LIMK2: variants seen among roughly 807,000 people sequenced by gnomAD.
The protein encoded by LIMK2 is LIM domain kinase 2.
In LIMK2, 35 loss-of-function variants were observed where a neutral mutation model predicts 75.7. The observed-to-expected ratio is 0.46, with a 90% CI of 0.35 to 0.61. The LOEUF is 0.61. Among genes scored for constraint, LIMK2 ranks in the 20% least tolerant of loss-of-function variants. LIMK2 has a pLI of 0.00. For synonymous variants in LIMK2, 301 were observed against 319.2 expected, an observed-to-expected ratio of 0.94 and a Z score of 0.61; for missense variants, 623 against 831.0, an observed-to-expected ratio of 0.75 and a Z score of 3.08.
chr22:31,256,020 A>C (rs536223882), intron 2 of LIMK2, among the ~76,000 whole-genome samples: 117 of 35,304 alleles, frequency 3.3e-3, no homozygotes, highest in Middle Eastern at 0.048. Flanking sequence ...TTTTTTTGAG[A>C]CGGAATCTTG....
intron 13 of LIMK2, chr22:31,273,059 G>T: frequency 1.8e-6 from 2 of 1,117,828 alleles, no homozygotes; most frequent in Non-Finnish European, 2.2e-6. Flanking sequence ...AGAGATGCTG[G>T]TTGGGATTCT....
chr22:31,225,667 T>C, intron 1 of LIMK2, 53 bp from the exon 2 acceptor site: 1 of 1,324,314 alleles, frequency 7.6e-7, no homozygotes, highest in Non-Finnish European at 1.1e-6. Context: ...AGGAATCCTG[T>C]CCCTTTGCCT....
chr22:31,228,452 T>C (rs1177704100), intron 2 of LIMK2, among the ~76,000 whole-genome samples: 2 of 151,566 alleles, frequency 1.3e-5, no homozygotes, highest in South Asian at 2.1e-4. Context: ...GTACAGGCTA[T>C]GGAATGAGAC....
At chr22:31,238,131 AACC>A (rs1438051803) in intron 2 of LIMK2, among the ~76,000 whole-genome samples, 2 of 151,458 alleles carry the variant, frequency 1.3e-5, no homozygotes, top group Admixed American at 6.6e-5. Context: ...AAAAAAAAAA[AACC>A]AAAACCAATA....
rs558432095 is a variant in LIMK2, at chr22:31,260,209, A to G, written c.551+132A>G. 1.7e-5 allele frequency: 12 copies of G among 723,242 alleles called. No individual in the cohort carries two copies. In the South Asian group the frequency reaches 2.6e-4, roughly 16 times the overall value. The allele number at this position is 723,242 out of a possible 1,614,324, so 44.8% of individuals were successfully genotyped here. Reference sequence around the variant, plus strand: ...ATCTCATATCTTTCTCCTGGACCCCACTATGCTGTAACCGTACCTGGGCCT... The same window carrying G: ...ATCTCATATCTTTCTCCTGGACCCCGCTATGCTGTAACCGTACCTGGGCCT... On this transcript the variant is annotated intron_variant, in intron 5 of 15. Coordinates refer to ENST00000331728, the MANE Select transcript of LIMK2 (RefSeq NM_005569.4).
chr22:31,264,216 G>A (rs1165546592), intron 7 of LIMK2, among the ~76,000 whole-genome samples: 2 of 152,148 alleles, frequency 1.3e-5, no homozygotes, highest in Admixed American at 6.5e-5. Context: ...GGAAGATTTG[G>A]GAGTGGCCAG....
At chr22:31,212,491 G>A (rs2048355206) in intron 1 of LIMK2, 67 bp downstream of exon 1, 5 of 1,306,422 alleles carry the variant, frequency 3.8e-6, no homozygotes, top group Non-Finnish European at 4.9e-6. Flanking sequence ...GCGCCTGAGG[G>A]AAACCGGCTG....
chr22:31,277,345 T>A, intron 15 of LIMK2: 1 of 1,411,538 alleles, frequency 7.1e-7, no homozygotes, highest in Non-Finnish European at 9.2e-7. Flanking sequence ...GATGGGACTT[T>A]GTGTTTTTAT....
intron 1 of LIMK2, among the ~76,000 whole-genome samples, chr22:31,214,405 A>G (rs1285936378): frequency 6.6e-6 from 1 of 152,240 alleles, no homozygotes; most frequent in Non-Finnish European, 1.5e-5. Flanking sequence ...AATAAATGCT[A>G]TAATAGTTAA....
intron 2 of LIMK2, among the ~76,000 whole-genome samples, chr22:31,236,886 C>T (rs780585465): frequency 2.7e-5 from 4 of 150,620 alleles, no homozygotes; most frequent in Non-Finnish European, 4.4e-5. Flanking sequence ...CACTGCACTC[C>T]AGCCTGGGAG....
chr22:31,274,515 C>T (rs2048992371), intron 14 of LIMK2, among the ~76,000 whole-genome samples: 1 of 152,180 alleles, frequency 6.6e-6, no homozygotes, highest in African/African-American at 2.4e-5. Flanking sequence ...ATCCTCCTGC[C>T]TCAGCCTCCC....
At chr22:31,222,915 G>A (rs1362409914) in intron 1 of LIMK2, 7 of 152,084 alleles carry the variant, frequency 4.6e-5, no homozygotes, top group African/African-American at 1.7e-4. Context: ...AGCCAGTGAG[G>A]GAGAGGGGTG....
chr22:31,230,108 G>T (rs768368496), intron 2 of LIMK2: 1 of 141,634 alleles, frequency 7.1e-6, no homozygotes, highest in African/African-American at 2.6e-5. Context: ...AGTGGAAAAG[G>T]AACAAAGAAA....
chr22:31,236,311 A>G (rs890547575), intron 2 of LIMK2, among the ~76,000 whole-genome samples: 1 of 149,602 alleles, frequency 6.7e-6, no homozygotes, highest in African/African-American at 2.5e-5. Context: ...AAAAAAAAAA[A>G]CAAACTGGAG....
chr22:31,261,494 A>C (rs1051328179), intron 5 of LIMK2, among the ~76,000 whole-genome samples: 29 of 150,786 alleles, frequency 1.9e-4, no homozygotes, highest in Admixed American at 1.5e-3. Context: ...TGCTGTGAGC[A>C]GAGATCACGC....
chr22:31,213,843 T>C (rs1240102209), intron 1 of LIMK2, among the ~76,000 whole-genome samples: 1 of 144,862 alleles, frequency 6.9e-6, no homozygotes, highest in East Asian at 2.0e-4. Context: ...TTAGATGGAG[T>C]CTTGCTCTGT....
intron 15 of LIMK2, chr22:31,275,552 G>T: frequency 2.0e-6 from 1 of 491,356 alleles, no homozygotes; most frequent in African/African-American, 1.9e-5. Context: ...AAGTTTAAAA[G>T]AAGGAAATTC....
chr22:31,224,881 G>T (rs943064725), intron 1 of LIMK2, among the ~76,000 whole-genome samples: 2 of 152,214 alleles, frequency 1.3e-5, no homozygotes, highest in East Asian at 3.8e-4. Flanking sequence ...ACCGCCAACT[G>T]GTACGGGTCT....
intron 2 of LIMK2, among the ~76,000 whole-genome samples, chr22:31,230,539 CAG>C (rs2123783450): frequency 6.6e-6 from 1 of 152,268 alleles, no homozygotes; most frequent in East Asian, 1.9e-4. Context: ...GCAGCATTAT[CAG>C]AAGGAAAATC....
Sources: gnomAD v4.1 joint callset for allele counts (sites outside exome capture counted in the v4.1 genomes callset) on GRCh38, gnomAD v4.1.1 for gene constraint, MANE v1.5 for transcripts, NCBI Gene and HGNC (gene_info 2026-07-23, HGNC 2026-07-21) for gene names.